The following CPN1 variants were observed in gnomAD, a reference collection of about 807,000 sequenced individuals.
CPN1 encodes the protein carboxypeptidase N subunit 1.
In CPN1, 37 loss-of-function variants were observed where a neutral mutation model predicts 46.4. That is an observed-to-expected ratio of 0.80 (90% CI 0.61 to 1.05). The LOEUF is 1.05. CPN1 is among the 50% of genes least tolerant of loss of function. The pLI is 0.00. For missense variants in CPN1, 563 were observed against 602.6 expected (o/e 0.93, Z 0.69); for synonymous variants, 224 against 235.4 (o/e 0.95, Z 0.44).
At position 100,075,973 on chromosome 10, in the gene CPN1, C is replaced by G. The variant is rs1372229824; in HGVS notation, c.358G>C (p.Asp120His). 1 of 1,614,158 alleles carries G rather than the reference C, an allele frequency of 6.2e-7. No homozygotes were observed. Among genetic ancestry groups the G allele is most frequent in the Non-Finnish European group, 8.5e-7 (1 of 1,180,046 alleles). Reference sequence around the variant, plus strand: ...GATGGCAGGATGTGAATGCGCGTGTCCTGGATGAGCTGGACGATGCGCTGG... The same window carrying G: ...GATGGCAGGATGTGAATGCGCGTGTGCTGGATGAGCTGGACGATGCGCTGG... ...RNQRIVQLIQ[D>H]TRIHILPSMN... The change falls in exon 2 of 9, where the codon GAC (aspartate) becomes CAC (histidine). Residue 120 changes from aspartate (D) to histidine (H), a missense_variant. Physicochemically the swap from Asp to His is moderately conservative, Grantham distance 81 (BLOSUM62 -1). Coordinates refer to ENST00000370418, the MANE Select transcript of CPN1 (RefSeq NM_001308.3).
chr10:100,077,340 C>T (rs2041521530), intron 1 of CPN1, among the ~76,000 whole-genome samples: 1 of 150,428 alleles, frequency 6.6e-6, no homozygotes, highest in Non-Finnish European at 1.5e-5. Context: ...AAGCAATTCT[C>T]CTGCCTCAGC....
chr10:100,067,383 T>C lies in CPN1; in HGVS notation c.577-2013A>G, dbSNP rs532642381. On this transcript the variant is annotated intron_variant, in intron 3 of 8. Transcript: ENST00000370418. ...TGCCCGCTTCTGCCTCCCAAAGTGC[T>C]GGGATTACAGGTGTGAGCCACTGCG... 5.3e-5 allele frequency among the ~76,000 whole-genome samples: 8 copies of C among 152,324 alleles called. No homozygotes were observed. The East Asian group carries it at 1.5e-3, about 29-fold the overall frequency.
intron 5 of CPN1, among the ~76,000 whole-genome samples, chr10:100,061,827 A>C (rs547305885): frequency 6.6e-6 from 1 of 152,148 alleles, no homozygotes; most frequent in Non-Finnish European, 1.5e-5. Context: ...AAAACATTTA[A>C]AATTACGGAT....
chr10:100,063,047 C>G (rs2041429723), intron 5 of CPN1, among the ~76,000 whole-genome samples: 1 of 152,160 alleles, frequency 6.6e-6, no homozygotes, highest in Admixed American at 6.5e-5. Flanking sequence ...TATTTTCCTC[C>G]TATGCCCTAA....
intron 6 of CPN1, 33 bp downstream of exon 6, chr10:100,056,980 T>G: frequency 6.2e-7 from 1 of 1,614,048 alleles, no homozygotes; most frequent in Non-Finnish European, 8.5e-7. Context: ...CTTCTCTTTT[T>G]GCAAACATGA....
chr10:100,070,103 T>C (rs564799878), intron 2 of CPN1, among the ~76,000 whole-genome samples: 26 of 152,008 alleles, frequency 1.7e-4, no homozygotes, highest in African/African-American at 6.3e-4. Flanking sequence ...TCTTTATTCT[T>C]TTCTTTTTTT....
intron 8 of CPN1, among the ~76,000 whole-genome samples, chr10:100,043,091 C>CAAAAAAAAAAA (rs749971720): frequency 1.7e-5 from 1 of 57,590 alleles, no homozygotes; most frequent in Non-Finnish European, 3.6e-5. Context: ...GACTCCATCT[C>CAAAAAAAAAAA]AAAAAAAAAA....
At chr10:100,059,678 G>A (rs72840177) in intron 5 of CPN1, among the ~76,000 whole-genome samples, 1 of 151,026 alleles carries the variant, frequency 6.6e-6, no homozygotes, top group Non-Finnish European at 1.5e-5. Context: ...AAAACAGTAT[G>A]GTAGTTCCTC....
chr10:100,080,117 T>G (rs755559561), intron 1 of CPN1, among the ~76,000 whole-genome samples: 6 of 149,142 alleles, frequency 4.0e-5, no homozygotes, highest in Non-Finnish European at 7.4e-5. Context: ...TAGAAACCAG[T>G]TGGGAGTTCA....
chr10:100,065,934 G>A (rs878964414), intron 3 of CPN1, among the ~76,000 whole-genome samples: 2 of 151,352 alleles, frequency 1.3e-5, no homozygotes, highest in Non-Finnish European at 2.9e-5. Flanking sequence ...AGAGAGAAAG[G>A]GAGAGAGAGA....
At chr10:100,047,671 G>A (rs748625997) in intron 8 of CPN1, among the ~76,000 whole-genome samples, 26 of 152,042 alleles carry the variant, frequency 1.7e-4, no homozygotes, top group Non-Finnish European at 2.8e-4. Context: ...AAATAAATTG[G>A]TATGCTCACA....
intron 6 of CPN1, among the ~76,000 whole-genome samples, chr10:100,054,841 CTT>C (rs56250435): frequency 0.29 from 38,691 of 132,604 alleles, 5,234 homozygotes; most frequent in Middle Eastern, 0.38. Context: ...TTCTTTCTTT[CTT>C]TTTTTTTTTT....
Position 100,081,811 on chromosome 10 carries a change from C to G in CPN1, c.-186G>C. 1 of 635,272 alleles carries G rather than the reference C, an allele frequency of 1.6e-6. No individual in the cohort carries two copies. Among genetic ancestry groups the G allele is most frequent in the East Asian group, 2.9e-5 (1 of 35,062 alleles). The allele number at this position is 635,272 out of a possible 1,614,324, so 39.4% of individuals were successfully genotyped here. A position where few individuals can be genotyped will look rare whatever the true frequency, so the allele number is the denominator to read the frequency against. On this transcript the variant is annotated 5_prime_UTR_variant, in exon 1 of 9. Transcript: ENST00000370418. ...TCTTTATGTCGTTCTGGAATAGCCA[C>G]TCATCTCTCCTCCCTCACTCCCTTT...
chr10:100,070,083 C>T (rs777487677), intron 2 of CPN1, among the ~76,000 whole-genome samples: 7 of 151,794 alleles, frequency 4.6e-5, no homozygotes, highest in East Asian at 2.0e-4. Context: ...CCACCACACC[C>T]GCTAATTGTT....
At chr10:100,080,090 A>AAAAAAAAAAAT (rs1228388414) in intron 1 of CPN1, among the ~76,000 whole-genome samples, 9 of 151,960 alleles carry the variant, frequency 5.9e-5, no homozygotes, top group African/African-American at 1.9e-4. Flanking sequence ...CATCTCAAAA[A>AAAAAAAAAAAT]AAAAAAAAAA....
At chr10:100,074,197 C>T (rs1218526217) in intron 2 of CPN1, among the ~76,000 whole-genome samples, 2 of 152,196 alleles carry the variant, frequency 1.3e-5, no homozygotes, top group Non-Finnish European at 2.9e-5. Context: ...TGGCCACCTA[C>T]AAGTGGCTTC....
At chr10:100,049,533 G>A (rs1324994672) in intron 7 of CPN1, among the ~76,000 whole-genome samples, 1 of 152,168 alleles carries the variant, frequency 6.6e-6, no homozygotes, top group Non-Finnish European at 1.5e-5. Flanking sequence ...AAAGTGCTGG[G>A]ATTACAGGCA....
intron 5 of CPN1, among the ~76,000 whole-genome samples, chr10:100,060,378 A>G (rs2041409672): frequency 6.6e-6 from 1 of 152,118 alleles, no homozygotes; most frequent in African/African-American, 2.4e-5. Context: ...CCTGACCAAC[A>G]TGGTGAAACC....
intron 7 of CPN1, among the ~76,000 whole-genome samples, chr10:100,049,558 C>T (rs908228304): frequency 3.3e-5 from 5 of 152,064 alleles, no homozygotes; most frequent in Non-Finnish European, 5.9e-5. Flanking sequence ...CCACCGAGCC[C>T]GGCCGTCTTT....
Sources: allele counts gnomAD v4.1 joint callset (sites outside exome capture counted in the v4.1 genomes callset), GRCh38; gene constraint gnomAD v4.1.1; transcripts MANE v1.5; gene names NCBI Gene and HGNC (gene_info 2026-07-23, HGNC 2026-07-21).